NUDT9: variants seen among roughly 807,000 people sequenced by gnomAD.
NUDT9 encodes the protein ADP-ribose pyrophosphatase.
Under a neutral mutation model 41.0 loss-of-function variants are expected in NUDT9, and 31 were observed. The observed-to-expected ratio is 0.76, with a 90% confidence interval of 0.57 to 1.02. The LOEUF is 1.02. Ranked by LOEUF, NUDT9 falls within the 50% of genes least tolerant of loss-of-function variation. The pLI, the probability that NUDT9 is intolerant of heterozygous loss-of-function variation, is 0.00. For missense variants in NUDT9, 380 were observed against 431.4 expected (o/e 0.88, Z 1.06); for synonymous variants, 146 against 147.6 (o/e 0.99, Z 0.08).
In NUDT9 at chr4:87,452,010, C is replaced by CT. The variant is rs918574847; in HGVS notation, c.789+285dup. On this transcript the variant is annotated intron_variant, in intron 6 of 7. Coordinates refer to ENST00000302174, the MANE Select transcript of NUDT9 (RefSeq NM_024047.5). ...ACTTTTTTCTTCTTAGTTTTTCTTT[C>CT]TTTTTTTTTTGAGATGGAGTCTCGC... Among the ~76,000 whole-genome samples the CT allele has an allele frequency of 4.6e-3, 678 of 148,240 alleles. 4 individuals are homozygous for CT. The highest frequency in any genetic ancestry group is 0.015 in the African/African-American group (600 of 40,522).
chr4:87,438,986 G>C (rs1468504516), intron 3 of NUDT9, among the ~76,000 whole-genome samples: 1 of 151,938 alleles, frequency 6.6e-6, no homozygotes, highest in Non-Finnish European at 1.5e-5. Context: ...GACCAACATG[G>C]AGAAACCCCA....
In NUDT9 at chr4:87,423,104, T is replaced by G. The variant is rs138042702; in HGVS notation, c.107+92T>G. The G allele has an allele frequency of 2.3e-4, 198 of 859,418 alleles. 3 individuals are homozygous for G. Among genetic ancestry groups the G allele is most frequent in the Non-Finnish European group, 1.0e-4 (58 of 560,788 alleles). The allele number at this position is 859,418 out of a possible 1,614,324, so 53.2% of individuals were successfully genotyped here. The stretch of plus-strand genomic sequence containing the variant: ...TTTTTCTGGCGTATTCTGTAGGCTT[T>G]GCTTTGCCTCTCGGGTTTTTATAGT... On this transcript the variant is annotated intron_variant, in intron 1 of 7. Coordinates refer to ENST00000302174, the MANE Select transcript of NUDT9 (RefSeq NM_024047.5).
chr4:87,427,138 T>TA (rs34532341), intron 1 of NUDT9, among the ~76,000 whole-genome samples: 18,356 of 138,222 alleles, frequency 0.13, 1,403 homozygotes, highest in East Asian at 0.29. Context: ...AAAAAAAAGT[T>TA]AAAAAAAAAA....
chr4:87,451,714 CT>C lies in NUDT9; in HGVS notation c.770del (p.Phe257SerfsTer6), dbSNP rs1722719579. ...REIEEKLHKL[F>X]SQDHLVIYKG... ...AAATAGAGGAAAAGTTGCACAAACT[CT>C]TCAGCCAAGACCACCTAGTGGTAAG... On this transcript the variant is annotated frameshift_variant, in exon 6 of 8. Transcript: ENST00000302174. LOFTEE classifies it high-confidence loss of function. 1 of 1,613,818 alleles carries C rather than the reference CT, an allele frequency of 6.2e-7. No individual in the cohort carries two copies. The highest frequency in any genetic ancestry group is 8.5e-7 in the Non-Finnish European group (1 of 1,179,890).
chr4:87,425,830 T>C (rs1191911054), intron 1 of NUDT9, among the ~76,000 whole-genome samples: 1 of 151,972 alleles, frequency 6.6e-6, no homozygotes, highest in Non-Finnish European at 1.5e-5. Flanking sequence ...TTCATTTTCT[T>C]TTTTAATTGC....
At chr4:87,431,328 C>A (rs1299964318) in intron 1 of NUDT9, among the ~76,000 whole-genome samples, 1 of 152,194 alleles carries the variant, frequency 6.6e-6, no homozygotes, top group Admixed American at 6.5e-5. Context: ...GTTGTGATTA[C>A]TATAGCTGTG....
intron 1 of NUDT9, among the ~76,000 whole-genome samples, chr4:87,432,109 A>G (rs1312243681): frequency 2.6e-5 from 4 of 152,232 alleles, no homozygotes; most frequent in African/African-American, 9.6e-5. Context: ...ATAAAACATC[A>G]TGCGATGTGT....
intron 7 of NUDT9, 110 bp from the exon 8 acceptor site, chr4:87,457,733 G>A (rs1014885007): frequency 2.8e-5 from 27 of 950,840 alleles, no homozygotes; most frequent in East Asian, 1.2e-4. Flanking sequence ...TCACTTGGCC[G>A]GCTAGTACAA....
chr4:87,438,138 G>GAAA (rs11395564), intron 2 of NUDT9, 139 bp from the exon 3 acceptor site: 409 of 324,928 alleles, frequency 1.3e-3, no homozygotes, highest in East Asian at 3.9e-3. Flanking sequence ...ATGGATTTGT[G>GAAA]AAAAAAAAAA....
chr4:87,435,702 G>C (rs1721899327), intron 2 of NUDT9, among the ~76,000 whole-genome samples: 1 of 152,190 alleles, frequency 6.6e-6, no homozygotes, highest in African/African-American at 2.4e-5. Flanking sequence ...AAAGGGGAGT[G>C]AGAGGGGGAG....
At chr4:87,426,652 G>T (rs1337184053) in intron 1 of NUDT9, among the ~76,000 whole-genome samples, 1 of 151,454 alleles carries the variant, frequency 6.6e-6, no homozygotes. Context: ...CCTTGCGATC[G>T]CCTGCCTCGG....
Position 87,458,197 on chromosome 4 carries a change from A to C in NUDT9, c.*176A>C. ...AATAACATGAGTAAGATGAACTGGA[A>C]CACAAAATTTTCAGCTCTTTGGTCA... On this transcript the variant is annotated 3_prime_UTR_variant, in exon 8 of 8. Transcript: ENST00000302174. 1 of 455,310 alleles carries C rather than the reference A, an allele frequency of 2.2e-6. No homozygotes were observed. The highest frequency in any genetic ancestry group is 3.6e-6 in the Non-Finnish European group (1 of 274,504). 28.2% of individuals were successfully genotyped at this position (455,310 alleles called of 1,614,324 possible). A position where few individuals can be genotyped will look rare whatever the true frequency, so the allele number is the denominator to read the frequency against.
intron 6 of NUDT9, among the ~76,000 whole-genome samples, chr4:87,453,161 G>T (rs1359621043): frequency 1.3e-5 from 2 of 151,884 alleles, no homozygotes; most frequent in Non-Finnish European, 2.9e-5. Context: ...TTCAGAATTG[G>T]GATTTAGTTA....
In NUDT9 at chr4:87,451,520, ACTC is replaced by A. The variant is rs147187675; in HGVS notation, c.643-68_643-66del. ...TTGAATAATAAATGTTCACTCTACT[ACTC>A]AATAAATATTTGTTGAACAAATCAA... On this transcript the variant is annotated intron_variant, in intron 5 of 7. Transcript: ENST00000302174. 6,897 of 1,229,636 alleles carry A rather than the reference ACTC, an allele frequency of 5.6e-3. 275 individuals carry two copies. The African/African-American group carries it at 0.09, about 16-fold the overall frequency. 76.2% of individuals were successfully genotyped at this position (1,229,636 alleles called of 1,614,324 possible). A position where few individuals can be genotyped will look rare whatever the true frequency, so the allele number is the denominator to read the frequency against.
chr4:87,452,353 G>T (rs1722764974), intron 6 of NUDT9, among the ~76,000 whole-genome samples: 3 of 152,068 alleles, frequency 2.0e-5, no homozygotes, highest in African/African-American at 7.2e-5. Flanking sequence ...AAAGCTTTTT[G>T]TATGTGCATG....
intron 3 of NUDT9, among the ~76,000 whole-genome samples, chr4:87,439,626 A>C (rs1722108296): frequency 6.6e-6 from 1 of 152,146 alleles, no homozygotes; most frequent in African/African-American, 2.4e-5. Flanking sequence ...GCTGCACTCC[A>C]GCCTGGGCAA....
Position 87,457,965 on chromosome 4 carries a change from G to GAGAA in NUDT9, c.999_1002dup (p.Arg335GlufsTer11), listed in dbSNP as rs1336816607. ...CTCTCAATTCATCAAACTTGTGGCT[G>GAGAA]AGAAACGAGATGCACACTGGAGCGA... On this transcript the variant is annotated frameshift_variant, in exon 8 of 8. Transcript: ENST00000302174. LOFTEE classifies it high-confidence loss of function. The GAGAA allele has an allele frequency of 1.9e-6, 3 of 1,594,934 alleles. No homozygotes were observed. The highest frequency in any genetic ancestry group is 2.6e-6 in the Non-Finnish European group (3 of 1,173,796).
chr4:87,423,130 C>A, intron 1 of NUDT9, 118 bp downstream of exon 1: 1 of 604,648 alleles, frequency 1.7e-6, no homozygotes, highest in Non-Finnish European at 2.7e-6. Flanking sequence ...TTTTTATAGT[C>A]ATATACAAGT....
chr4:87,452,010 CT>C (rs918574847), intron 6 of NUDT9, among the ~76,000 whole-genome samples: 10 of 148,228 alleles, frequency 6.7e-5, no homozygotes, highest in Admixed American at 6.7e-5. Flanking sequence ...GTTTTTCTTT[CT>C]TTTTTTTTTG....
Sources: gnomAD v4.1 joint callset for allele counts (sites outside exome capture counted in the v4.1 genomes callset) on GRCh38, gnomAD v4.1.1 for gene constraint, MANE v1.5 for transcripts, NCBI Gene and HGNC (gene_info 2026-07-23, HGNC 2026-07-21) for gene names.